The following CLDN14 variants were observed in gnomAD, a reference collection of about 807,000 sequenced individuals.
The protein encoded by CLDN14 is claudin-14.
Under a neutral mutation model 2.1 loss-of-function variants are expected in CLDN14, and 2 were observed. That is an observed-to-expected ratio of 0.96 (90% CI 0.39 to 3.01). CLDN14 has a LOEUF of 3.01. CLDN14 is among the 30% of genes most tolerant of loss of function. The probability of loss-of-function intolerance (pLI) is 0.09; values close to 1 mark genes in which losing one functional copy is unlikely to be tolerated. For synonymous variants in CLDN14, 136 were observed against 154.4 expected (o/e 0.88, Z 0.88); for missense variants, 298 against 328.0 (o/e 0.91, Z 0.71).
chr21:36,497,732 C>T (rs890613327), intron 2 of CLDN14, among the ~76,000 whole-genome samples: 5 of 152,220 alleles, frequency 3.3e-5, no homozygotes, highest in South Asian at 2.1e-4. Flanking sequence ...CCCCCTTCTG[C>T]CCCCGCCCAG....
At chr21:36,493,947 C>G (rs533607339) in intron 2 of CLDN14, among the ~76,000 whole-genome samples, 1 of 152,278 alleles carries the variant, frequency 6.6e-6, no homozygotes, top group African/African-American at 2.4e-5. Context: ...CCAGTGGATG[C>G]CAAGAGCCCA....
intron 2 of CLDN14, chr21:36,486,427 C>G (rs748161875): frequency 1.5e-6 from 2 of 1,348,796 alleles, no homozygotes; most frequent in Non-Finnish European, 2.1e-6. Context: ...TGCTGCTGCT[C>G]CTCCATAGAA....
chr21:36,526,919 G>C (rs1436218591), intron 1 of CLDN14, among the ~76,000 whole-genome samples: 1 of 152,222 alleles, frequency 6.6e-6, no homozygotes, highest in Non-Finnish European at 1.5e-5. Context: ...CCGAGACGGG[G>C]ATGTTGAATG....
chr21:36,517,060 G>A (rs900596046), intron 1 of CLDN14, among the ~76,000 whole-genome samples: 1 of 151,592 alleles, frequency 6.6e-6, no homozygotes, highest in African/African-American at 2.4e-5. Context: ...GGCTGGTCTC[G>A]AACTCCTGAC....
At chr21:36,504,629 A>C (rs1212998260) in intron 2 of CLDN14, among the ~76,000 whole-genome samples, 3 of 152,216 alleles carry the variant, frequency 2.0e-5, no homozygotes, top group Admixed American at 6.5e-5. Context: ...TAAAAAGGAA[A>C]CTGAAAAGTT....
intron 1 of CLDN14, chr21:36,466,586 C>T (rs528736332): frequency 6.6e-6 from 1 of 152,330 alleles, no homozygotes. Context: ...CACTGGGTCC[C>T]TCCCCACGAC....
At chr21:36,571,990 G>A (rs2087713179) in intron 1 of CLDN14, among the ~76,000 whole-genome samples, 1 of 152,144 alleles carries the variant, frequency 6.6e-6, no homozygotes, top group African/African-American at 2.4e-5. Context: ...CGTTTCTTAA[G>A]GACTCCCTCC....
intron 1 of CLDN14, among the ~76,000 whole-genome samples, chr21:36,563,249 T>C (rs2087649786): frequency 1.3e-5 from 2 of 152,120 alleles, no homozygotes; most frequent in South Asian, 4.1e-4. Flanking sequence ...GCAGGTAATA[T>C]GGGAAAAAGA....
intron 2 of CLDN14, chr21:36,485,896 T>C: frequency 1.4e-6 from 1 of 691,358 alleles, no homozygotes; most frequent in Non-Finnish European, 2.3e-6. Flanking sequence ...TAGGCTGTAA[T>C]GGTTACAGAT....
At chr21:36,552,347 C>T (rs2146518045) in intron 1 of CLDN14, among the ~76,000 whole-genome samples, 1 of 152,346 alleles carries the variant, frequency 6.6e-6, no homozygotes, top group East Asian at 1.9e-4. Flanking sequence ...GACAAGTGGG[C>T]TTTCTGAGTC....
intron 1 of CLDN14, among the ~76,000 whole-genome samples, chr21:36,464,275 C>T (rs2086617696): frequency 6.6e-6 from 1 of 152,208 alleles, no homozygotes; most frequent in Admixed American, 6.5e-5. Flanking sequence ...GCTTCCTGTA[C>T]AGCTTGTGAG....
chr21:36,479,063 C>A (rs78249536), intron 1 of CLDN14, among the ~76,000 whole-genome samples: 1 of 152,132 alleles, frequency 6.6e-6, no homozygotes, highest in Admixed American at 6.5e-5. Flanking sequence ...TCTGGAAACT[C>A]GGAACAGTCT....
At chr21:36,531,777 A>G (rs2087382356) in intron 1 of CLDN14, among the ~76,000 whole-genome samples, 1 of 149,616 alleles carries the variant, frequency 6.7e-6, no homozygotes, top group African/African-American at 2.5e-5. Context: ...TAAATCACCT[A>G]TTTACTTTTC....
At chr21:36,476,203 C>A (rs1446076331) in intron 1 of CLDN14, among the ~76,000 whole-genome samples, 1 of 152,158 alleles carries the variant, frequency 6.6e-6, no homozygotes, top group East Asian at 1.9e-4. Context: ...TCTTCTCCAG[C>A]TACAATCTTA....
intron 1 of CLDN14, among the ~76,000 whole-genome samples, chr21:36,566,039 C>G (rs1568883376): frequency 6.6e-6 from 1 of 152,170 alleles, no homozygotes; most frequent in Non-Finnish European, 1.5e-5. Flanking sequence ...AGCCATCAGT[C>G]TTATTTTTTA....
chr21:36,571,084 C>T (rs773025454), intron 1 of CLDN14, among the ~76,000 whole-genome samples: 7 of 152,240 alleles, frequency 4.6e-5, no homozygotes, highest in Non-Finnish European at 8.8e-5. Context: ...TCATGATCTG[C>T]CTGCCTCAGC....
At chr21:36,570,557 G>A (rs2087702304) in intron 1 of CLDN14, among the ~76,000 whole-genome samples, 1 of 152,158 alleles carries the variant, frequency 6.6e-6, no homozygotes, top group Non-Finnish European at 1.5e-5. Flanking sequence ...GAGGAACAAG[G>A]ACGGCAAACA....
At chr21:36,505,346 A>G (rs1280460619) in intron 2 of CLDN14, among the ~76,000 whole-genome samples, 1 of 152,186 alleles carries the variant, frequency 6.6e-6, no homozygotes, top group East Asian at 1.9e-4. Context: ...TTCAGCCCAG[A>G]TAGCTTTTGA....
intron 2 of CLDN14, among the ~76,000 whole-genome samples, chr21:36,491,533 G>C (rs1209559072): frequency 6.6e-6 from 1 of 152,184 alleles, no homozygotes; most frequent in African/African-American, 2.4e-5. Context: ...GGAAATTTAT[G>C]TTTGCTGAGA....
Sources: gnomAD v4.1 joint callset for allele counts (sites outside exome capture counted in the v4.1 genomes callset) on GRCh38, gnomAD v4.1.1 for gene constraint, MANE v1.5 for transcripts, NCBI Gene and HGNC (gene_info 2026-07-23, HGNC 2026-07-21) for gene names.